Variants in TSPAN5 observed in about 807,000 individuals in gnomAD.
TSPAN5 encodes the protein tetraspanin 5, also known as tetraspanin-5.
Under a neutral mutation model 37.1 loss-of-function variants are expected in TSPAN5, and 10 were observed. The observed-to-expected ratio is 0.27, with a 90% CI of 0.17 to 0.46. The LOEUF (loss-of-function observed/expected upper bound fraction) is 0.46. Among genes scored for constraint, TSPAN5 ranks in the 20% least tolerant of loss-of-function variants. TSPAN5 has a pLI of 1.00. For synonymous variants in TSPAN5, 110 were observed against 118.9 expected, an observed-to-expected ratio of 0.93 and a Z score of 0.48; for missense variants, 195 against 326.6, an observed-to-expected ratio of 0.60 and a Z score of 3.11.
chr4:98,583,473 T>A (rs774745986), intron 1 of TSPAN5, among the ~76,000 whole-genome samples: 2 of 152,018 alleles, frequency 1.3e-5, no homozygotes, highest in African/African-American at 4.8e-5. Flanking sequence ...CCATGTGTTC[T>A]CAGCATTTAA....
At chr4:98,611,255 C>A (rs559456337) in intron 1 of TSPAN5, among the ~76,000 whole-genome samples, 1 of 152,288 alleles carries the variant, frequency 6.6e-6, no homozygotes, top group African/African-American at 2.4e-5. Context: ...CTGAAACAAG[C>A]CTCTAATTTG....
At chr4:98,572,555 C>T (rs1378822573) in intron 1 of TSPAN5, among the ~76,000 whole-genome samples, 2 of 152,246 alleles carry the variant, frequency 1.3e-5, no homozygotes, top group Non-Finnish European at 2.9e-5. Context: ...TACTACGTCT[C>T]AGACATTCTG....
rs541519702 is a variant in TSPAN5 at position 98,586,707 on chromosome 4, A to G, written c.81+71439T>C. ...AAGCGAAAAGCAGCTTCTGTTGAGGAATCTAAATGGAGAAAGGAGAGGGGG... is the reference window on the plus strand; with the variant it reads ...AAGCGAAAAGCAGCTTCTGTTGAGGGATCTAAATGGAGAAAGGAGAGGGGG... On this transcript the variant is annotated intron_variant, in intron 1 of 7. Coordinates refer to ENST00000305798, the MANE Select transcript of TSPAN5 (RefSeq NM_005723.4). 7.3e-4 allele frequency among the ~76,000 whole-genome samples: 111 copies of G among 152,324 alleles called. 1 individual carries two copies. Among genetic ancestry groups the G allele is most frequent in the African/African-American group, 2.5e-3 (103 of 41,568 alleles).
At chr4:98,541,437 G>A (rs1461977100) in intron 1 of TSPAN5, among the ~76,000 whole-genome samples, 14 of 152,136 alleles carry the variant, frequency 9.2e-5, no homozygotes, top group African/African-American at 2.7e-4. Flanking sequence ...CACTTTGGGA[G>A]GCTGAGGCAG....
intron 1 of TSPAN5, among the ~76,000 whole-genome samples, chr4:98,648,529 T>A (rs1473744260): frequency 6.6e-6 from 1 of 152,248 alleles, no homozygotes; most frequent in Non-Finnish European, 1.5e-5. Flanking sequence ...TGCTAACTGC[T>A]AGCAAACTAG....
intron 1 of TSPAN5, among the ~76,000 whole-genome samples, chr4:98,566,653 C>G (rs1304706952): frequency 6.6e-6 from 1 of 152,188 alleles, no homozygotes; most frequent in African/African-American, 2.4e-5. Flanking sequence ...TTTCTCCCGC[C>G]TGATGTTGTA....
At chr4:98,581,777 C>A (rs139636082) in intron 1 of TSPAN5, among the ~76,000 whole-genome samples, 2 of 152,054 alleles carry the variant, frequency 1.3e-5, no homozygotes, top group African/African-American at 4.8e-5. Context: ...AAGTAACCTG[C>A]GCAGCCAGTA....
intron 3 of TSPAN5, 154 bp downstream of exon 3, chr4:98,486,584 G>T: frequency 3.9e-6 from 3 of 762,554 alleles, no homozygotes; most frequent in Non-Finnish European, 2.2e-6. Context: ...GGGAATCAGG[G>T]CTAGAGAGCT....
At chr4:98,581,185 C>G (rs1424421676) in intron 1 of TSPAN5, among the ~76,000 whole-genome samples, 1 of 152,046 alleles carries the variant, frequency 6.6e-6, no homozygotes, top group Non-Finnish European at 1.5e-5. Context: ...AATAAATGAC[C>G]AAAAGATCTT....
intron 1 of TSPAN5, among the ~76,000 whole-genome samples, chr4:98,615,101 C>A (rs1486293573): frequency 6.6e-6 from 1 of 152,168 alleles, no homozygotes; most frequent in African/African-American, 2.4e-5. Context: ...TCGGGAACCA[C>A]GTGACAGCCC....
At chr4:98,536,617 T>G (rs1405397963) in intron 1 of TSPAN5, among the ~76,000 whole-genome samples, 2 of 152,112 alleles carry the variant, frequency 1.3e-5, no homozygotes, top group Admixed American at 6.5e-5. Context: ...TTTCCCCGGG[T>G]GCTCTGTCCC....
chr4:98,609,443 C>T (rs1292762269), intron 1 of TSPAN5, among the ~76,000 whole-genome samples: 1 of 152,106 alleles, frequency 6.6e-6, no homozygotes, highest in Non-Finnish European at 1.5e-5. Flanking sequence ...TTTGCTGGTC[C>T]TCCTGGGTAG....
chr4:98,648,432 G>C (rs1757115262), intron 1 of TSPAN5, among the ~76,000 whole-genome samples: 1 of 152,156 alleles, frequency 6.6e-6, no homozygotes. Context: ...CACGCAGAGT[G>C]GTCCAGGACA....
chr4:98,648,327 A>C (rs1388938534), intron 1 of TSPAN5, among the ~76,000 whole-genome samples: 1 of 152,204 alleles, frequency 6.6e-6, no homozygotes, highest in African/African-American at 2.4e-5. Context: ...TGAAAGGAAC[A>C]GCAACAGTGG....
intron 1 of TSPAN5, among the ~76,000 whole-genome samples, chr4:98,528,111 T>C (rs1186771794): frequency 6.6e-6 from 1 of 152,104 alleles, no homozygotes; most frequent in Non-Finnish European, 1.5e-5. Flanking sequence ...ATGAGCTGGA[T>C]AGAGAAATGT....
intron 1 of TSPAN5, among the ~76,000 whole-genome samples, chr4:98,634,632 T>C (rs1415874016): frequency 6.6e-6 from 1 of 152,218 alleles, no homozygotes; most frequent in African/African-American, 2.4e-5. Context: ...TTTTATAATA[T>C]ATACCACCTC....
chr4:98,653,262 C>T (rs72690805), intron 1 of TSPAN5, among the ~76,000 whole-genome samples: 8 of 152,178 alleles, frequency 5.3e-5, no homozygotes, highest in Non-Finnish European at 1.0e-4. Flanking sequence ...CCCCCCTCCC[C>T]CACCGCCCCA....
chr4:98,529,948 C>A (rs1334354926), intron 1 of TSPAN5, among the ~76,000 whole-genome samples: 1 of 152,242 alleles, frequency 6.6e-6, no homozygotes, highest in Non-Finnish European at 1.5e-5. Context: ...GTAAAAGAAT[C>A]TACACTGCCA....
chr4:98,541,358 A>G (rs1213919600), intron 1 of TSPAN5, among the ~76,000 whole-genome samples: 1 of 152,022 alleles, frequency 6.6e-6, no homozygotes, highest in Non-Finnish European at 1.5e-5. Flanking sequence ...ATACACTACA[A>G]TGCATCCTTT....
Sources: allele counts gnomAD v4.1 joint callset (sites outside exome capture counted in the v4.1 genomes callset), GRCh38; gene constraint gnomAD v4.1.1; transcripts MANE v1.5; gene names NCBI Gene and HGNC (gene_info 2026-07-23, HGNC 2026-07-21).